ZFP42: variants seen among roughly 807,000 people sequenced by gnomAD.
The protein encoded by ZFP42 is ZFP42 zinc finger protein.
For missense variants in ZFP42, 438 were observed against 377.1 expected, an observed-to-expected ratio of 1.16 and a Z score of -1.34; for synonymous variants, 175 against 144.6, an observed-to-expected ratio of 1.21 and a Z score of -1.51.
rs1733987654 is a variant in ZFP42, at chr4:188,004,801, A to G, written c.*1061A>G. ...AGCCCATCTTTTAAAAAAAGTAAAA[A>G]TTAAAAATATACTTCATGGTTCATG... On this transcript the variant is annotated 3_prime_UTR_variant, in exon 4 of 4. Coordinates refer to ENST00000326866, the MANE Select transcript of ZFP42 (RefSeq NM_174900.5). The G allele has an allele frequency of 6.0e-6, 1 of 167,116 alleles. No homozygotes were observed. The highest frequency in any genetic ancestry group is 2.4e-5 in the African/African-American group (1 of 41,456). 10.4% of individuals were successfully genotyped at this position (167,116 alleles called of 1,614,324 possible).
intron 3 of ZFP42, among the ~76,000 whole-genome samples, chr4:188,001,788 C>T (rs1300245461): frequency 6.6e-6 from 1 of 152,200 alleles, no homozygotes; most frequent in Non-Finnish European, 1.5e-5. Context: ...TAAAATAACA[C>T]GAGCTCACAT....
rs576365857 is a variant in ZFP42, at chr4:188,003,603, G to A, written c.796G>A (p.Val266Met). 7 of 1,613,412 alleles carry A rather than the reference G, an allele frequency of 4.3e-6. No individual in the cohort carries two copies. The South Asian group carries it at 5.5e-5, about 13-fold the overall frequency. Residue 266 changes from valine to methionine, a missense_variant, in exon 4 of 4, where the codon GTG (valine) becomes ATG (methionine). Transcript: ENST00000326866. Reference sequence around the variant, plus strand: ...TCTGGACTTTAATTTGCGTACGCACGTGCGCATCCACACGGGGGAGAAACG... The same window carrying A: ...TCTGGACTTTAATTTGCGTACGCACATGCGCATCCACACGGGGGAGAAACG... Reference protein sequence around the residue: ...FSLDFNLRTHVRIHTGEKRFV... With the variant: ...FSLDFNLRTHMRIHTGEKRFV...
Position 188,003,018 on chromosome 4 carries a change from T to G in ZFP42, c.211T>G (p.Cys71Gly). 1.9e-6 allele frequency: 3 copies of G among 1,614,142 alleles called. No individual in the cohort carries two copies. Among genetic ancestry groups the G allele is most frequent in the Non-Finnish European group, 2.5e-6 (3 of 1,180,014 alleles). Residue 71 changes from cysteine (C) to glycine (G), a missense_variant, in exon 4 of 4, where the codon TGT becomes GGT. Cys to Gly is a radical substitution (Grantham distance 159, BLOSUM62 -3). Transcript: ENST00000326866. ...QALGGDDFSD[C>G]YIECVIRGEF... ...TCTCGGAGGGGATGATTTCTCAGAC[T>G]GTTACATAGAATGCGTCATAAGGGG...
intron 1 of ZFP42, among the ~76,000 whole-genome samples, chr4:187,998,040 A>C (rs1733668728): frequency 6.6e-6 from 1 of 152,206 alleles, no homozygotes; most frequent in African/African-American, 2.4e-5. Flanking sequence ...TTTTAAGTTT[A>C]TAAAGTTAAA....
chr4:188,001,371 T>C (rs1006146713), intron 3 of ZFP42, among the ~76,000 whole-genome samples: 2 of 152,226 alleles, frequency 1.3e-5, no homozygotes, highest in African/African-American at 4.8e-5. Flanking sequence ...GCTATAACTT[T>C]TATAACGTCA....
At chr4:188,001,917 G>C (rs545530743) in intron 3 of ZFP42, among the ~76,000 whole-genome samples, 1 of 152,198 alleles carries the variant, frequency 6.6e-6, no homozygotes. Flanking sequence ...GGTGGCTCAC[G>C]CCTGTAATCC....
At position 188,002,771 on chromosome 4, in the gene ZFP42, T is replaced by C. The variant is rs774202616; in HGVS notation, c.-37T>C. ...CTGCCTGGAGGTGGTTGATATATCC[T>C]GGTGTAAACCTTCAAGAAGGGCACA... On this transcript the variant is annotated 5_prime_UTR_variant, in exon 4 of 4. Transcript: ENST00000326866. The C allele has an allele frequency of 6.3e-7, 1 of 1,587,628 alleles. No homozygotes were observed. The highest frequency in any genetic ancestry group is 8.6e-7 in the Non-Finnish European group (1 of 1,161,226).
intron 1 of ZFP42, among the ~76,000 whole-genome samples, 169 bp from the exon 2 acceptor site, chr4:187,998,939 T>C (rs1318098306): frequency 2.6e-5 from 4 of 152,238 alleles, no homozygotes; most frequent in East Asian, 1.9e-4. Flanking sequence ...TTCAATGTTA[T>C]ATGTCATCCT....
intron 3 of ZFP42, among the ~76,000 whole-genome samples, chr4:188,001,353 A>G (rs1351701281): frequency 1.3e-5 from 2 of 152,210 alleles, no homozygotes; most frequent in African/African-American, 4.8e-5. Flanking sequence ...AAGCAATAAC[A>G]TATTCATGCT....
chr4:188,000,091 T>A (rs1733752338), intron 3 of ZFP42, among the ~76,000 whole-genome samples: 2 of 152,198 alleles, frequency 1.3e-5, no homozygotes, highest in Non-Finnish European at 2.9e-5. Context: ...TTTTTTTGAA[T>A]GTTTGAGTAT....
chr4:187,997,326 T>C (rs1207288444), intron 1 of ZFP42, among the ~76,000 whole-genome samples: 4 of 137,804 alleles, frequency 2.9e-5, no homozygotes, highest in Non-Finnish European at 6.1e-5. Context: ...CTCCGCCTCC[T>C]AGGTTCAAGC....
In ZFP42 at chr4:188,003,354, GAC is replaced by G. The variant is rs1362726363; in HGVS notation, c.549_550del (p.Asp183GlufsTer14). Reference sequence around the variant, plus strand: ...GAAGCCCCCCATAAATAAAGAATATGACAGTCTGAGCGCAATCGCTTGTCCTC... The same window carrying G: ...GAAGCCCCCCATAAATAAAGAATATGAGTCTGAGCGCAATCGCTTGTCCTC... The part of the protein sequence containing the change: ...RKKPPINKEY[D>X]SLSAIACPQS... On this transcript the variant is annotated frameshift_variant, in exon 4 of 4. Transcript: ENST00000326866. LOFTEE classifies it low-confidence loss of function (END_TRUNC). 6.2e-7 allele frequency: 1 copy of G among 1,614,060 alleles called. No individual in the cohort carries two copies. Among genetic ancestry groups the G allele is most frequent in the South Asian group, 1.1e-5 (1 of 91,066 alleles).
chr4:188,002,639 T>C, intron 3 of ZFP42, 74 bp from the exon 4 acceptor site: 1 of 623,714 alleles, frequency 1.6e-6, no homozygotes, highest in Non-Finnish European at 2.8e-6. Context: ...TTGGAAAATG[T>C]GTCTTAGGTC....
intron 3 of ZFP42, among the ~76,000 whole-genome samples, chr4:188,000,939 T>C (rs1219825790): frequency 3.3e-5 from 5 of 152,080 alleles, no homozygotes; most frequent in Non-Finnish European, 7.3e-5. Flanking sequence ...GAGGTTGCAG[T>C]GAGCTGAGAT....
intron 1 of ZFP42, among the ~76,000 whole-genome samples, chr4:187,998,100 C>G (rs1203149719): frequency 6.6e-6 from 1 of 152,076 alleles, no homozygotes; most frequent in East Asian, 1.9e-4. Context: ...ATTTTGAGAG[C>G]CTGAGGCAGG....
chr4:187,999,323 GGTTTCACC>G (rs375326490), intron 2 of ZFP42, 50 bp downstream of exon 2: 69 of 151,994 alleles, frequency 4.5e-4, no homozygotes, highest in African/African-American at 1.5e-3. Flanking sequence ...GTAGAGATGG[GGTTTCACC>G]GTTTTGCCGA....
At chr4:188,001,824 T>G (rs1210210938) in intron 3 of ZFP42, among the ~76,000 whole-genome samples, 1 of 152,240 alleles carries the variant, frequency 6.6e-6, no homozygotes, top group African/African-American at 2.4e-5. Context: ...CTGTGCACCA[T>G]AATCCGTGCT....
Position 187,997,228 on chromosome 4 carries a change from C to CTTTTTTTTTTTTTTTTTTTTTTTTTTTT in ZFP42, c.-339+1410_-339+1411insTTTTTTTTTTTTTTTTTTTTTTTTTTTT, listed in dbSNP as rs71595201. Among the ~76,000 whole-genome samples the CTTTTTTTTTTTTTTTTTTTTTTTTTTTT allele has an allele frequency of 1.2e-4, 7 of 60,022 alleles. 2 individuals are homozygous for CTTTTTTTTTTTTTTTTTTTTTTTTTTTT. The highest frequency in any genetic ancestry group is 2.4e-4 in the African/African-American group (3 of 12,744). 39.4% of individuals were successfully genotyped at this position (60,022 alleles called of 152,430 possible). A position where few individuals can be genotyped will look rare whatever the true frequency, so the allele number is the denominator to read the frequency against. On this transcript the variant is annotated intron_variant, in intron 1 of 3. Coordinates refer to ENST00000326866, the MANE Select transcript of ZFP42 (RefSeq NM_174900.5). Reference sequence around the variant, plus strand: ...CCTCGGTTACTTCCCCTCTCATATTCTTTTTTTTTTTTTTTTTTTTTTGAG... The same window carrying CTTTTTTTTTTTTTTTTTTTTTTTTTTTT: ...CCTCGGTTACTTCCCCTCTCATATTCTTTTTTTTTTTTTTTTTTTTTTTTTTTTTTTTTTTTTTTTTTTTTTTTTTGAG...
Position 188,002,906 on chromosome 4 carries a change from C to G in ZFP42, c.99C>G (p.Ser33Arg), listed in dbSNP as rs752802631. Reference protein sequence around the residue: ...SGAKPRQGKSSQDLQAEIEPV... With the variant: ...SGAKPRQGKSRQDLQAEIEPV... The stretch of plus-strand genomic sequence containing the variant: ...CTAAGCCCAGGCAAGGCAAGTCAAG[C>G]CAAGACCTGCAGGCGGAAATAGAAC... Residue 33 changes from serine to arginine, a missense_variant, in exon 4 of 4, where the codon AGC becomes AGG. Transcript: ENST00000326866. 6.2e-7 allele frequency: 1 copy of G among 1,614,186 alleles called. No individual in the cohort carries two copies. The highest frequency in any genetic ancestry group is 1.7e-5 in the Admixed American group (1 of 60,028).
Sources: allele counts gnomAD v4.1 joint callset (sites outside exome capture counted in the v4.1 genomes callset), GRCh38; gene constraint gnomAD v4.1.1; transcripts MANE v1.5; gene names NCBI Gene and HGNC (gene_info 2026-07-23, HGNC 2026-07-21).